CUX1: variants seen among roughly 807,000 people sequenced by gnomAD.
The protein encoded by CUX1 is protein CASP.
A neutral mutation model predicts 158.8 loss-of-function variants in CUX1; 31 were observed. The ratio of observed to expected loss-of-function variants is 0.20; its 90% confidence interval spans 0.15 to 0.26. The LOEUF (loss-of-function observed/expected upper bound fraction) is 0.26. Ranked by LOEUF, CUX1 falls within the 10% of genes least tolerant of loss-of-function variation. The pLI is 1.00. For synonymous variants in CUX1, 879 were observed against 862.1 expected (o/e 1.02, Z -0.34); for missense variants, 1,589 against 2,014.6 (o/e 0.79, Z 4.04).
At chr7:102,196,551 G>T in intron 14 of CUX1, 83 bp from the exon 15 acceptor site, 1 of 1,317,374 alleles carries the variant, frequency 7.6e-7, no homozygotes, top group Non-Finnish European at 1.0e-6. Context: ...CTTTTGCGGG[G>T]GCAAACTTTT....
chr7:102,140,050 A>G (rs1011147397), intron 8 of CUX1, among the ~76,000 whole-genome samples: 6 of 152,158 alleles, frequency 3.9e-5, no homozygotes, highest in Non-Finnish European at 8.8e-5. Flanking sequence ...CCCTACTTCC[A>G]ACAAAGTATT....
intron 1 of CUX1, among the ~76,000 whole-genome samples, chr7:101,879,040 C>T (rs1006218520): frequency 2.6e-5 from 4 of 152,210 alleles, no homozygotes; most frequent in South Asian, 2.1e-4. Flanking sequence ...GAAGCCCATT[C>T]GTACTGTGCT....
chr7:102,227,877 C>T (rs1339396132), intron 21 of CUX1, among the ~76,000 whole-genome samples: 2 of 151,758 alleles, frequency 1.3e-5, no homozygotes, highest in Non-Finnish European at 2.9e-5. Flanking sequence ...TGCACCCCCA[C>T]GGGGACCAGT....
chr7:101,876,679 G>A (rs1205636103), intron 1 of CUX1, among the ~76,000 whole-genome samples: 4 of 150,536 alleles, frequency 2.7e-5, no homozygotes, highest in Non-Finnish European at 4.4e-5. Context: ...TGGCAACATA[G>A]CAAAACTCCG....
At chr7:101,850,701 C>T (rs567029549) in intron 1 of CUX1, among the ~76,000 whole-genome samples, 2 of 152,214 alleles carry the variant, frequency 1.3e-5, no homozygotes, top group African/African-American at 4.8e-5. Flanking sequence ...TTCTAAGTAG[C>T]AGGCTTATAC....
At chr7:101,862,917 T>C (rs564298118) in intron 1 of CUX1, among the ~76,000 whole-genome samples, 1 of 152,236 alleles carries the variant, frequency 6.6e-6, no homozygotes, top group East Asian at 1.9e-4. Flanking sequence ...TTTTTACTTA[T>C]TACAGAAAAT....
intron 2 of CUX1, among the ~76,000 whole-genome samples, chr7:101,994,467 G>A (rs1815558424): frequency 6.6e-6 from 1 of 152,290 alleles, no homozygotes; most frequent in African/African-American, 2.4e-5. Flanking sequence ...CAGGTGTGGT[G>A]GCACACGCCT....
intron 3 of CUX1, among the ~76,000 whole-genome samples, chr7:102,067,647 T>C (rs949329144): frequency 2.6e-5 from 4 of 152,074 alleles, no homozygotes; most frequent in African/African-American, 7.2e-5. Flanking sequence ...AAATTTTTTT[T>C]CTATATTTTT....
At position 102,013,760 on chromosome 7, in the gene CUX1, A is replaced by G. The variant is rs1401301378; in HGVS notation, c.142-14338A>G. The stretch of plus-strand genomic sequence containing the variant: ...TGTTCTGTCTCCCAGGCTGGAGTGC[A>G]GTGGCACAGTCACGGCTCACTGCAC... On this transcript the variant is annotated intron_variant, in intron 2 of 23. Transcript: ENST00000292535. 2.6e-5 allele frequency among the ~76,000 whole-genome samples: 4 copies of G among 152,144 alleles called. No homozygotes were observed. In the East Asian group the frequency reaches 7.7e-4, roughly 29 times the overall value.
intron 22 of CUX1, chr7:102,282,830 C>A: frequency 7.4e-7 from 1 of 1,350,692 alleles, no homozygotes; most frequent in Non-Finnish European, 1.0e-6. Flanking sequence ...TCCCAGCACC[C>A]CCGCAACACC....
At chr7:102,219,403 T>A (rs1304636357) in intron 20 of CUX1, among the ~76,000 whole-genome samples, 2 of 151,952 alleles carry the variant, frequency 1.3e-5, no homozygotes, top group Non-Finnish European at 2.9e-5. Flanking sequence ...CCCTACAGAA[T>A]CTTTCTCAGG....
intron 4 of CUX1, among the ~76,000 whole-genome samples, chr7:102,080,508 G>A (rs1252005953): frequency 6.6e-6 from 1 of 151,638 alleles, no homozygotes; most frequent in Non-Finnish European, 1.5e-5. Context: ...GTGCTCACAA[G>A]GGGGACATTC....
intron 7 of CUX1, among the ~76,000 whole-genome samples, chr7:102,114,342 C>T (rs1252006646): frequency 3.9e-5 from 6 of 152,186 alleles, no homozygotes; most frequent in Admixed American, 3.9e-4. Flanking sequence ...GTGGCATGAT[C>T]TCGGCTCACT....
intron 1 of CUX1, among the ~76,000 whole-genome samples, chr7:101,825,731 C>T (rs991084673): frequency 6.7e-5 from 10 of 150,126 alleles, no homozygotes; most frequent in Non-Finnish European, 1.2e-4. Flanking sequence ...CATCTTAAAA[C>T]GCCCTGATAC....
intron 2 of CUX1, among the ~76,000 whole-genome samples, chr7:102,003,783 TTTTAGA>T (rs1816998545): frequency 6.6e-6 from 1 of 152,278 alleles, no homozygotes; most frequent in South Asian, 2.1e-4. Context: ...GCAACCCCAG[TTTTAGA>T]ATAACATAGG....
intron 3 of CUX1, among the ~76,000 whole-genome samples, chr7:102,066,050 A>G (rs1287807400): frequency 1.3e-5 from 2 of 152,028 alleles, no homozygotes; most frequent in Admixed American, 6.6e-5. Flanking sequence ...TGGCCTCCCA[A>G]AGTGCTGGGA....
intron 15 of CUX1, chr7:102,273,597 T>C (rs1429553175): frequency 1.4e-6 from 2 of 1,426,242 alleles, no homozygotes; most frequent in African/African-American, 2.8e-5. Flanking sequence ...AGGCAGCTGG[T>C]GACAACCCAG....
intron 23 of CUX1, among the ~76,000 whole-genome samples, chr7:102,245,319 T>C (rs566901564): frequency 6.6e-5 from 10 of 152,322 alleles, no homozygotes; most frequent in African/African-American, 2.4e-4. Context: ...CCTGGGATTA[T>C]AGGCATGAGT....
In CUX1 at chr7:102,249,650, A is replaced by G. The variant is rs1045980853; in HGVS notation, c.*608A>G. 2 of 985,184 alleles carry G rather than the reference A, an allele frequency of 2.0e-6. No individual in the cohort carries two copies. Among genetic ancestry groups the G allele is most frequent in the South Asian group, 4.7e-5 (1 of 21,232 alleles). 61.0% of individuals were successfully genotyped at this position (985,184 alleles called of 1,614,324 possible). A position where few individuals can be genotyped will look rare whatever the true frequency, so the allele number is the denominator to read the frequency against. ...AATGGCTTCAGAGCGATAATACACT[A>G]TTATCTTCTTAAACCAGGAAAAAAT... On this transcript the variant is annotated 3_prime_UTR_variant, in exon 24 of 24. Transcript: ENST00000292535.
Sources: allele counts gnomAD v4.1 joint callset (sites outside exome capture counted in the v4.1 genomes callset), GRCh38; gene constraint gnomAD v4.1.1; transcripts MANE v1.5; gene names NCBI Gene and HGNC (gene_info 2026-07-23, HGNC 2026-07-21).